Variants in GADL1 observed in about 807,000 individuals in gnomAD.
GADL1 encodes the protein acidic amino acid decarboxylase GADL1.
Under a neutral mutation model 69.5 loss-of-function variants are expected in GADL1, and 71 were observed. The ratio of observed to expected loss-of-function variants is 1.02; its 90% CI spans 0.84 to 1.25. The LOEUF (loss-of-function observed/expected upper bound fraction) is 1.25, where lower values mean the gene tolerates loss of function less well. GADL1 is among the 50% of genes most tolerant of loss of function. GADL1 has a pLI of 0.00. For missense variants in GADL1, 737 were observed against 631.8 expected (o/e 1.17, Z -1.79); for synonymous variants, 254 against 214.4 (o/e 1.18, Z -1.62).
intron 14 of GADL1, among the ~76,000 whole-genome samples, chr3:30,732,249 A>G (rs1575176825): frequency 1.3e-5 from 2 of 152,180 alleles, no homozygotes; most frequent in African/African-American, 4.8e-5. Flanking sequence ...GTATCCAGAT[A>G]CCACCCCTAA....
chr3:30,802,305 TC>T (rs1697180241), intron 11 of GADL1, among the ~76,000 whole-genome samples: 1 of 152,198 alleles, frequency 6.6e-6, no homozygotes, highest in South Asian at 2.1e-4. Flanking sequence ...CATTGTTACA[TC>T]CATGCAGTTT....
At chr3:30,891,032 T>TCTTCCTTCCTTCCTTC (rs59987855) in intron 1 of GADL1, among the ~76,000 whole-genome samples, 4,459 of 150,280 alleles carry the variant, frequency 0.03, 86 homozygotes, top group East Asian at 0.085. Flanking sequence ...TACTTTGCAT[T>TCTTCCTTCCTTCCTTC]CTTCCTTCCT....
intron 14 of GADL1, among the ~76,000 whole-genome samples, chr3:30,760,505 ACT>A (rs545485386): frequency 2.6e-5 from 4 of 151,658 alleles, no homozygotes; most frequent in Non-Finnish European, 5.9e-5. Flanking sequence ...CTTACATAAA[ACT>A]CTCCAAACCA....
At chr3:30,844,659 A>G (rs970179829) in intron 6 of GADL1, among the ~76,000 whole-genome samples, 193 bp from the exon 7 acceptor site, 3 of 152,176 alleles carry the variant, frequency 2.0e-5, no homozygotes, top group African/African-American at 7.2e-5. Flanking sequence ...AGAAACCAGG[A>G]TTGAACGTCA....
intron 12 of GADL1, chr3:30,800,073 A>C (rs894244423): frequency 6.5e-6 from 1 of 153,040 alleles, no homozygotes; most frequent in African/African-American, 2.4e-5. Flanking sequence ...CCCAGTTCCA[A>C]AGTCGCTTCC....
At chr3:30,887,606 A>T (rs1362282380) in intron 1 of GADL1, among the ~76,000 whole-genome samples, 1 of 151,814 alleles carries the variant, frequency 6.6e-6, no homozygotes, top group African/African-American at 2.4e-5. Context: ...ATAAGTTCCT[A>T]TTTTTTTTAT....
intron 12 of GADL1, chr3:30,800,641 A>C: frequency 4.0e-6 from 2 of 501,214 alleles, no homozygotes; most frequent in Non-Finnish European, 7.2e-6. Context: ...TCAGTAGGCT[A>C]GGATCTTGGA....
intron 14 of GADL1, among the ~76,000 whole-genome samples, chr3:30,767,371 T>C (rs2125489709): frequency 6.6e-6 from 1 of 152,072 alleles, no homozygotes; most frequent in East Asian, 1.9e-4. Flanking sequence ...TGAGAACCTA[T>C]CGTAAAGGAA....
intron 14 of GADL1, among the ~76,000 whole-genome samples, chr3:30,733,037 C>CT (rs1382117704): frequency 1.3e-5 from 2 of 151,864 alleles, no homozygotes; most frequent in African/African-American, 4.8e-5. Context: ...GAGACTCTGT[C>CT]TTAAAAAAAA....
rs368228950 is a variant in GADL1, at chr3:30,854,665, G to A, written c.428+34C>T. 10 of 1,277,244 alleles carry A rather than the reference G, an allele frequency of 7.8e-6. No individual in the cohort carries two copies. The African/African-American group carries it at 9.0e-5, about 11-fold the overall frequency. The allele number at this position is 1,277,244 out of a possible 1,614,324, so 79.1% of individuals were successfully genotyped here. A position where few individuals can be genotyped will look rare whatever the true frequency, so the allele number is the denominator to read the frequency against. On this transcript the variant is annotated intron_variant, in intron 4 of 14. Transcript: ENST00000282538. ...CATCTACTTAAAGTCTCTAATCCAC[G>A]TTTGGTGTGAAATTTCTATAGCATG...
intron 1 of GADL1, among the ~76,000 whole-genome samples, chr3:30,871,029 A>T (rs1698473300): frequency 6.8e-6 from 1 of 146,248 alleles, no homozygotes; most frequent in Admixed American, 7.0e-5. Context: ...AGCAACATGG[A>T]CTAAGGCAGA....
chr3:30,741,827 C>T (rs1342671996), intron 14 of GADL1, among the ~76,000 whole-genome samples: 3 of 152,128 alleles, frequency 2.0e-5, no homozygotes, highest in Non-Finnish European at 4.4e-5. Context: ...TGAGAGAGGG[C>T]TTGTGGCACA....
intron 1 of GADL1, among the ~76,000 whole-genome samples, chr3:30,886,185 T>G (rs1211208367): frequency 6.6e-6 from 1 of 152,178 alleles, no homozygotes; most frequent in Non-Finnish European, 1.5e-5. Context: ...TTCATGAAGC[T>G]AATACAAGAA....
intron 6 of GADL1, among the ~76,000 whole-genome samples, chr3:30,845,326 G>A (rs1048135202): frequency 5.9e-5 from 9 of 152,000 alleles, no homozygotes; most frequent in African/African-American, 1.5e-4. Flanking sequence ...TGGATATGTC[G>A]CTCTTCATAC....
chr3:30,885,518 T>C (rs1698691630), intron 1 of GADL1, among the ~76,000 whole-genome samples: 1 of 151,992 alleles, frequency 6.6e-6, no homozygotes, highest in African/African-American at 2.4e-5. Flanking sequence ...ACAGAAACAA[T>C]ACAAACTCAT....
intron 14 of GADL1, among the ~76,000 whole-genome samples, chr3:30,775,530 A>G (rs1437187797): frequency 6.6e-6 from 1 of 152,124 alleles, no homozygotes; most frequent in Non-Finnish European, 1.5e-5. Context: ...ATGATAGGAA[A>G]TTAAGAAACT....
intron 11 of GADL1, among the ~76,000 whole-genome samples, chr3:30,810,303 A>G (rs958468443): frequency 2.1e-4 from 32 of 152,156 alleles, no homozygotes; most frequent in African/African-American, 7.7e-4. Context: ...TTTTAACTTC[A>G]CAGCTATCTG....
Position 30,778,184 on chromosome 3 carries a change from TAA to T in GADL1, c.1385_1386del (p.Leu462GlnfsTer8), listed in dbSNP as rs774754537. The T allele has an allele frequency of 1.3e-6, 2 of 1,586,422 alleles. No homozygotes were observed. Among genetic ancestry groups the T allele is most frequent in the South Asian group, 2.2e-5 (2 of 90,392 alleles). ...MEEGPEFWAK[L>X]NLVAPAIKER... ...ACCATTTACTTATTACTTACCAAAT[TAA>T]GTTTTGCCCAGAACTCGGGTCCTTC... On this transcript the variant is annotated frameshift_variant, in exon 14 of 15. Transcript: ENST00000282538. LOFTEE classifies it high-confidence loss of function.
intron 11 of GADL1, among the ~76,000 whole-genome samples, chr3:30,828,288 A>G (rs1697717253): frequency 6.6e-6 from 1 of 151,894 alleles, no homozygotes; most frequent in Admixed American, 6.6e-5. Context: ...AAATGGGGCT[A>G]AGTAACCTGC....
Sources: gnomAD v4.1 joint callset for allele counts (sites outside exome capture counted in the v4.1 genomes callset) on GRCh38, gnomAD v4.1.1 for gene constraint, MANE v1.5 for transcripts, NCBI Gene and HGNC (gene_info 2026-07-23, HGNC 2026-07-21) for gene names.